Variants in IRAG2 observed in about 807,000 individuals in gnomAD.
IRAG2 encodes the protein inositol 1,4,5-triphosphate receptor associated 2, also known as lymphoid restricted membrane protein.
Under a neutral mutation model 69.9 loss-of-function variants are expected in IRAG2, and 45 were observed. The observed-to-expected ratio is 0.64, with a 90% CI of 0.51 to 0.83. The LOEUF (loss-of-function observed/expected upper bound fraction) is 0.83, where lower values mean the gene tolerates loss of function less well. Among genes scored for constraint, IRAG2 ranks in the 40% least tolerant of loss-of-function variants. The pLI, the probability that IRAG2 is intolerant of heterozygous loss-of-function variation, is 0.00. For synonymous variants in IRAG2, 193 were observed against 202.4 expected (o/e 0.95, Z 0.40); for missense variants, 520 against 587.0 (o/e 0.89, Z 1.18).
At chr12:25,077,255 T>C (rs11047817) in intron 6 of IRAG2, among the ~76,000 whole-genome samples, 1 of 32,872 alleles carries the variant, frequency 3.0e-5, no homozygotes, top group South Asian at 9.0e-4. Context: ...ATATATATGA[T>C]ATATATATGA....
chr12:25,068,923 A>G (rs1192968832), intron 5 of IRAG2, among the ~76,000 whole-genome samples: 1 of 152,176 alleles, frequency 6.6e-6, no homozygotes, highest in Non-Finnish European at 1.5e-5. Flanking sequence ...TTCACACTCA[A>G]GGTTAACAAG....
intron 11 of IRAG2, chr12:25,032,291 G>A: frequency 2.5e-6 from 1 of 399,012 alleles, no homozygotes; most frequent in Non-Finnish European, 4.4e-6. Flanking sequence ...GCCTAATGTT[G>A]TGTGCGATTC....
At chr12:25,051,144 A>AAGAAAAAGAG (rs1944861214), upstream of IRAG2, among the ~76,000 whole-genome samples, 1 of 152,198 alleles carries the variant, frequency 6.6e-6, no homozygotes, top group Non-Finnish European at 1.5e-5. Flanking sequence ...GCCACAGTTA[A>AAGAAAAAGAG]AGAAAAAGAG....
intron 4 of IRAG2, among the ~76,000 whole-genome samples, chr12:25,065,796 A>G (rs143774285): frequency 1.3e-5 from 2 of 152,214 alleles, no homozygotes; most frequent in African/African-American, 4.8e-5. Context: ...TAGCCCCCCA[A>G]GTAGCTGGGA....
At chr12:25,078,874 A>G (rs951928366) in intron 6 of IRAG2, among the ~76,000 whole-genome samples, 1 of 152,246 alleles carries the variant, frequency 6.6e-6, no homozygotes, top group African/African-American at 2.4e-5. Context: ...GTTGAGTGCT[A>G]TTCCCACACA....
intron 1 of IRAG2, among the ~76,000 whole-genome samples, chr12:25,053,991 G>A (rs769742467): frequency 5.5e-4 from 83 of 152,164 alleles, no homozygotes; most frequent in Non-Finnish European, 1.1e-3. Flanking sequence ...CAGCATTTTG[G>A]GAGGCCGAGG....
chr12:25,103,661 T>C (rs1405248025), intron 17 of IRAG2, 176 bp from the exon 18 acceptor site: 7 of 554,742 alleles, frequency 1.3e-5, no homozygotes, highest in South Asian at 5.1e-5. Flanking sequence ...GGAATATAAA[T>C]TGGTAAAATA....
upstream of IRAG2, among the ~76,000 whole-genome samples, chr12:25,002,925 A>G (rs1944402961): frequency 1.3e-5 from 2 of 152,094 alleles, no homozygotes; most frequent in Non-Finnish European, 2.9e-5. Context: ...TACAGGCGTG[A>G]GCCACCATGC....
chr12:25,075,002 T>A (rs531903270), intron 6 of IRAG2, among the ~76,000 whole-genome samples: 1 of 152,204 alleles, frequency 6.6e-6, no homozygotes, highest in Non-Finnish European at 1.5e-5. Context: ...GTTGCAAAAT[T>A]GGAACATGTA....
chr12:25,021,467 A>T (rs879763059), intron 7 of IRAG2, among the ~76,000 whole-genome samples: 3 of 152,156 alleles, frequency 2.0e-5, no homozygotes, highest in Non-Finnish European at 2.9e-5. Flanking sequence ...AAAAACAGTT[A>T]TCTCAGTACT....
chr12:25,100,425 G>C (rs1948689807), intron 15 of IRAG2, among the ~76,000 whole-genome samples: 3 of 152,132 alleles, frequency 2.0e-5, no homozygotes, highest in Admixed American at 2.0e-4. Context: ...CAGGCACTCA[G>C]ATACTTGTAC....
chr12:25,047,924 G>A (rs576212577), upstream of IRAG2, among the ~76,000 whole-genome samples: 19 of 152,262 alleles, frequency 1.2e-4, no homozygotes, highest in South Asian at 8.3e-4. Context: ...ATGAACATAC[G>A]CTTGCATGTA....
chr12:25,098,723 C>T (rs1444925413), intron 15 of IRAG2, among the ~76,000 whole-genome samples: 3 of 152,146 alleles, frequency 2.0e-5, no homozygotes, highest in African/African-American at 4.8e-5. Flanking sequence ...CTTTTCTGGC[C>T]ACCACCCTGT....
At chr12:25,029,259 C>T (rs187140612) in intron 9 of IRAG2, among the ~76,000 whole-genome samples, 21 of 152,302 alleles carry the variant, frequency 1.4e-4, no homozygotes, top group African/African-American at 5.1e-4. Flanking sequence ...TAATTCTACA[C>T]TAGGAGTGGC....
rs569959264 is a variant in IRAG2 at position 25,021,771 on chromosome 12, T to C, written c.1332+864T>C. Among the ~76,000 whole-genome samples the C allele has an allele frequency of 2.4e-4, 36 of 152,338 alleles. No individual in the cohort carries two copies. In the East Asian group the frequency reaches 6.7e-3, roughly 29 times the overall value. On this transcript the variant is annotated intron_variant, in intron 7 of 38. Transcript: ENST00000636465. Reference sequence around the variant, plus strand: ...AACTGTTTTTAGAGTCTCTAAATCTTGGAGAGACTTGGTTCCAGCCCTGTG... The same window carrying C: ...AACTGTTTTTAGAGTCTCTAAATCTCGGAGAGACTTGGTTCCAGCCCTGTG...
At chr12:25,050,543 AC>A (rs1555129685), upstream of IRAG2, among the ~76,000 whole-genome samples, 22,520 of 52,992 alleles carry the variant, frequency 0.42, 6,013 homozygotes, top group Non-Finnish European at 0.57. Context: ...AAACAAACAA[AC>A]AAACAAACAA....
intron 16 of IRAG2, chr12:25,101,909 G>T (rs1461338237): frequency 6.5e-6 from 4 of 610,738 alleles, no homozygotes; most frequent in Non-Finnish European, 1.2e-5. Flanking sequence ...ATACTCTTCT[G>T]AACTGTACTT....
chr12:25,054,064 T>C (rs1265244341), intron 1 of IRAG2, among the ~76,000 whole-genome samples: 1 of 152,140 alleles, frequency 6.6e-6, no homozygotes, highest in Non-Finnish European at 1.5e-5. Context: ...AAACCCTGTC[T>C]CTACAAAAAT....
chr12:25,019,811 G>A (rs1194654651), intron 6 of IRAG2, among the ~76,000 whole-genome samples: 1 of 152,162 alleles, frequency 6.6e-6, no homozygotes, highest in African/African-American at 2.4e-5. Flanking sequence ...CCTCCTTGAT[G>A]GGAGGAACTA....
Sources: allele counts gnomAD v4.1 joint callset (sites outside exome capture counted in the v4.1 genomes callset), GRCh38; gene constraint gnomAD v4.1.1; transcripts MANE v1.5; gene names NCBI Gene and HGNC (gene_info 2026-07-23, HGNC 2026-07-21).